Variants in DPY19L3 observed in about 807,000 individuals in gnomAD.
The protein encoded by DPY19L3 is dpy-19 like C-mannosyltransferase 3.
A neutral mutation model predicts 92.3 loss-of-function variants in DPY19L3; 51 were observed. The observed-to-expected ratio is 0.55, with a 90% CI of 0.44 to 0.70. The LOEUF is 0.70. Among genes scored for constraint, DPY19L3 ranks in the 30% least tolerant of loss-of-function variants. The probability of loss-of-function intolerance (pLI) is 0.00; values close to 1 mark genes in which losing one functional copy is unlikely to be tolerated. For synonymous variants in DPY19L3, 309 were observed against 315.2 expected (o/e 0.98, Z 0.21); for missense variants, 706 against 855.9 (o/e 0.82, Z 2.18).
intron 8 of DPY19L3, among the ~76,000 whole-genome samples, chr19:32,446,821 TC>T (rs1264445763): frequency 2.6e-5 from 4 of 152,014 alleles, no homozygotes; most frequent in African/African-American, 9.7e-5. Context: ...AGACAGAAAA[TC>T]ATCAGAGATA....
chr19:32,470,154 C>T (rs1970314174), intron 16 of DPY19L3, among the ~76,000 whole-genome samples: 1 of 152,206 alleles, frequency 6.6e-6, no homozygotes, highest in Admixed American at 6.5e-5. Context: ...TATAATTTTT[C>T]ACATATTTCT....
intron 7 of DPY19L3, 137 bp downstream of exon 7, chr19:32,439,372 T>A: frequency 1.1e-6 from 1 of 948,552 alleles, no homozygotes; most frequent in Non-Finnish European, 1.5e-6. Flanking sequence ...TGAGTTAAAT[T>A]AAGTTTTCTT....
intron 3 of DPY19L3, among the ~76,000 whole-genome samples, chr19:32,431,951 C>T (rs956984378): frequency 3.9e-5 from 6 of 152,172 alleles, no homozygotes; most frequent in African/African-American, 1.4e-4. Context: ...CTTGTGTCAT[C>T]GTGTTGGCTC....
chr19:32,469,427 T>C (rs1970289157), intron 16 of DPY19L3, among the ~76,000 whole-genome samples: 1 of 149,424 alleles, frequency 6.7e-6, no homozygotes, highest in South Asian at 2.1e-4. Flanking sequence ...ACTCGGGAGG[T>C]AGAGGTTGCA....
At chr19:32,463,759 T>C in intron 13 of DPY19L3, 110 bp from the exon 14 acceptor site, 1 of 998,506 alleles carries the variant, frequency 1.0e-6, no homozygotes, top group Non-Finnish European at 1.5e-6. Flanking sequence ...TGCATAGTTT[T>C]AAGTAAGATT....
At chr19:32,454,429 C>T (rs1039606773) in intron 9 of DPY19L3, among the ~76,000 whole-genome samples, 1 of 152,042 alleles carries the variant, frequency 6.6e-6, no homozygotes, top group East Asian at 1.9e-4. Context: ...AAAAACTTAG[C>T]CGGGTGTTGT....
intron 8 of DPY19L3, among the ~76,000 whole-genome samples, chr19:32,446,572 A>G (rs533591235): frequency 9.2e-5 from 14 of 152,332 alleles, no homozygotes; most frequent in Middle Eastern, 3.4e-3. Flanking sequence ...AGCTATGTTA[A>G]TATCAGAGAA....
At chr19:32,462,299 A>G (rs73036028) in intron 12 of DPY19L3, among the ~76,000 whole-genome samples, 62,556 of 151,974 alleles carry the variant, frequency 0.41, 14,525 homozygotes, top group Non-Finnish European at 0.54. Flanking sequence ...GGACCAAGGG[A>G]TGATGATCTG....
chr19:32,410,032 G>T (rs74971374), intron 2 of DPY19L3, among the ~76,000 whole-genome samples: 57 of 152,234 alleles, frequency 3.7e-4, no homozygotes, highest in Non-Finnish European at 7.1e-4. Flanking sequence ...TTCCAGAGAG[G>T]CACCAATTTA....
chr19:32,448,902 G>A (rs1412595718), intron 8 of DPY19L3, among the ~76,000 whole-genome samples: 1 of 152,080 alleles, frequency 6.6e-6, no homozygotes, highest in African/African-American at 2.4e-5. Flanking sequence ...TACATTTTTG[G>A]CTGTTCATCA....
chr19:32,467,716 A>T (rs547499498), intron 15 of DPY19L3: 1 of 987,234 alleles, frequency 1.0e-6, no homozygotes, highest in South Asian at 4.7e-5. Context: ...TTGGTCTTCT[A>T]TGCTAATATG....
At chr19:32,468,702 T>TTTTTG (rs965007409) in intron 15 of DPY19L3, 29 bp from the exon 16 acceptor site, 5 of 1,611,342 alleles carry the variant, frequency 3.1e-6, no homozygotes, top group Middle Eastern at 1.7e-4. Context: ...GTGGATTTTG[T>TTTTTG]TTTTGTTTTG....
chr19:32,409,204 TC>T (rs1968091429), intron 2 of DPY19L3, among the ~76,000 whole-genome samples: 1 of 152,192 alleles, frequency 6.6e-6, no homozygotes, highest in African/African-American at 2.4e-5. Flanking sequence ...TATACTCCCA[TC>T]CTGAAACTAA....
chr19:32,447,773 A>ATAGAT (rs1555721940), intron 8 of DPY19L3, among the ~76,000 whole-genome samples: 2 of 123,330 alleles, frequency 1.6e-5, no homozygotes, highest in Admixed American at 7.9e-5. Context: ...AGATAGATAG[A>ATAGAT]TAGATTAGAT....
At chr19:32,410,338 T>C (rs1314401490) in intron 2 of DPY19L3, among the ~76,000 whole-genome samples, 6 of 152,238 alleles carry the variant, frequency 3.9e-5, no homozygotes, top group South Asian at 2.1e-4. Context: ...ATTCATCTTA[T>C]GTTAAGGGTA....
intron 8 of DPY19L3, among the ~76,000 whole-genome samples, chr19:32,441,753 C>T (rs372480408): frequency 2.0e-5 from 3 of 152,286 alleles, no homozygotes; most frequent in African/African-American, 7.2e-5. Context: ...CTGCCTTGGC[C>T]TCCCAAAGTG....
At chr19:32,478,028 A>T (rs1030180465) in intron 17 of DPY19L3, among the ~76,000 whole-genome samples, 1 of 152,166 alleles carries the variant, frequency 6.6e-6, no homozygotes, top group African/African-American at 2.4e-5. Context: ...CACGGGAAAG[A>T]CTTGCCCCCA....
chr19:32,475,196 C>A (rs942033081), intron 16 of DPY19L3, among the ~76,000 whole-genome samples: 1 of 152,116 alleles, frequency 6.6e-6, no homozygotes, highest in Non-Finnish European at 1.5e-5. Flanking sequence ...CACAGAGATT[C>A]CTATTATACA....
At chr19:32,468,233 A>G (rs1002945419) in intron 15 of DPY19L3, 2 of 945,932 alleles carry the variant, frequency 2.1e-6, no homozygotes, top group African/African-American at 1.8e-5. Context: ...TGCGTCATCC[A>G]TGTCATGGGT....
Sources: gnomAD v4.1 joint callset for allele counts (sites outside exome capture counted in the v4.1 genomes callset) on GRCh38, gnomAD v4.1.1 for gene constraint, MANE v1.5 for transcripts, NCBI Gene and HGNC (gene_info 2026-07-23, HGNC 2026-07-21) for gene names.